Variants in LINGO2 observed in about 807,000 individuals in gnomAD.
LINGO2 encodes the protein leucine-rich repeat and immunoglobulin-like domain-containing nogo receptor-interacting protein 2.
A neutral mutation model predicts 30.6 loss-of-function variants in LINGO2; 14 were observed. The ratio of observed to expected loss-of-function variants is 0.46; its 90% CI spans 0.30 to 0.72. The LOEUF is 0.72. Ranked by LOEUF, LINGO2 falls within the 30% of genes least tolerant of loss-of-function variation. LINGO2 has a pLI of 0.07. For missense variants in LINGO2, 729 were observed against 751.7 expected (o/e 0.97, Z 0.35); for synonymous variants, 317 against 288.5 (o/e 1.10, Z -1.00).
intron 4 of LINGO2, among the ~76,000 whole-genome samples, chr9:28,053,997 T>C (rs985841260): frequency 6.6e-6 from 1 of 151,856 alleles, no homozygotes; most frequent in Non-Finnish European, 1.5e-5. Flanking sequence ...AGTTACCAGT[T>C]GTCGAGGGCC....
the LINGO2 span, among the ~76,000 whole-genome samples, chr9:28,849,235 A>T: frequency 7.3e-6 from 1 of 137,866 alleles, no homozygotes; most frequent in Admixed American, 7.7e-5. Flanking sequence ...TAAACTTTGC[A>T]TAGGAAGCTG....
intron 4 of LINGO2, among the ~76,000 whole-genome samples, chr9:28,029,700 T>A (rs1197927): frequency 0.99 from 150,536 of 152,340 alleles, 74,400 homozygotes; most frequent in East Asian, 1. Context: ...AAAACTAATA[T>A]GTGAAAATTG....
At chr9:28,767,112 G>C in the LINGO2 span, among the ~76,000 whole-genome samples, 1 of 151,114 alleles carries the variant, frequency 6.6e-6, no homozygotes, top group African/African-American at 2.5e-5. Context: ...GAGAGACGTA[G>C]GTCAAAGAGT....
chr9:28,371,468 G>C (rs1181584938), intron 3 of LINGO2, among the ~76,000 whole-genome samples: 3 of 152,158 alleles, frequency 2.0e-5, no homozygotes, highest in Admixed American at 6.5e-5. Context: ...AGAGGGGCAA[G>C]GTAACTCCCT....
At chr9:28,374,403 G>A (rs1043908247) in intron 2 of LINGO2, among the ~76,000 whole-genome samples, 1 of 151,772 alleles carries the variant, frequency 6.6e-6, no homozygotes, top group Non-Finnish European at 1.5e-5. Context: ...TTTTAAAAAT[G>A]TAACAACATA....
the LINGO2 span, among the ~76,000 whole-genome samples, chr9:28,759,348 G>A: frequency 6.6e-6 from 1 of 151,968 alleles, no homozygotes; most frequent in East Asian, 1.9e-4. Flanking sequence ...GGACAAAGAG[G>A]GTTTCTGGGT....
At chr9:28,714,082 C>T in the LINGO2 span, among the ~76,000 whole-genome samples, 1 of 151,064 alleles carries the variant, frequency 6.6e-6, no homozygotes, top group Non-Finnish European at 1.5e-5. Context: ...TCGCTTGAAC[C>T]TGGGAGGTGG....
At chr9:28,535,989 A>T (rs1280157820) in intron 1 of LINGO2, among the ~76,000 whole-genome samples, 1 of 152,182 alleles carries the variant, frequency 6.6e-6, no homozygotes, top group Non-Finnish European at 1.5e-5. Flanking sequence ...TCATCATTGG[A>T]TAGACACTTG....
At chr9:28,812,525 A>T in the LINGO2 span, among the ~76,000 whole-genome samples, 7 of 152,176 alleles carry the variant, frequency 4.6e-5, no homozygotes, top group Admixed American at 1.3e-4. Flanking sequence ...TTAATGGTCC[A>T]GTTGTATACC....
At chr9:28,537,370 G>A (rs956727293) in intron 1 of LINGO2, among the ~76,000 whole-genome samples, 8 of 151,946 alleles carry the variant, frequency 5.3e-5, no homozygotes, top group Admixed American at 2.6e-4. Flanking sequence ...TCATTAGCAC[G>A]GTTTCTCTAT....
chr9:28,713,571 G>T, the LINGO2 span, among the ~76,000 whole-genome samples: 1 of 152,054 alleles, frequency 6.6e-6, no homozygotes, highest in African/African-American at 2.4e-5. Context: ...CTATTTTCTA[G>T]CATTTCTAAC....
the LINGO2 span, among the ~76,000 whole-genome samples, chr9:28,892,904 A>T: frequency 6.6e-6 from 1 of 152,048 alleles, no homozygotes; most frequent in Non-Finnish European, 1.5e-5. Flanking sequence ...GTATTTAATA[A>T]AAATTCCACT....
intron 4 of LINGO2, among the ~76,000 whole-genome samples, chr9:28,227,632 T>TA (rs11312927): frequency 2.1e-4 from 31 of 150,090 alleles, no homozygotes; most frequent in East Asian, 1.6e-3. Context: ...ACTCAGCAAT[T>TA]AAAAAAAAAA....
chr9:28,838,997 G>A, the LINGO2 span, among the ~76,000 whole-genome samples: 4 of 152,196 alleles, frequency 2.6e-5, no homozygotes, highest in Admixed American at 2.0e-4. Flanking sequence ...CAGGCATATC[G>A]CAAGTGGCTT....
the LINGO2 span, among the ~76,000 whole-genome samples, chr9:28,803,030 A>G: frequency 6.6e-6 from 1 of 152,104 alleles, no homozygotes; most frequent in Non-Finnish European, 1.5e-5. Context: ...ACTCTGGGAA[A>G]GAGAAACCAG....
intron 4 of LINGO2, among the ~76,000 whole-genome samples, chr9:28,234,685 T>C (rs1409986758): frequency 6.7e-6 from 1 of 150,328 alleles, no homozygotes; most frequent in East Asian, 1.9e-4. Flanking sequence ...TTTGGAATCT[T>C]GGACTTACGC....
chr9:28,292,935 T>G (rs2134174765), intron 4 of LINGO2, among the ~76,000 whole-genome samples: 1 of 151,766 alleles, frequency 6.6e-6, no homozygotes. Context: ...CACGCTTGGA[T>G]AACTTTTTTT....
the LINGO2 span, among the ~76,000 whole-genome samples, chr9:28,750,175 T>C: frequency 1.3e-5 from 2 of 152,270 alleles, no homozygotes; most frequent in East Asian, 3.9e-4. Flanking sequence ...ATTGATTCCT[T>C]CGCACTAGAA....
the LINGO2 span, among the ~76,000 whole-genome samples, chr9:28,792,695 C>T: frequency 6.6e-6 from 1 of 152,070 alleles, no homozygotes; most frequent in African/African-American, 2.4e-5. Context: ...AACAACTCCA[C>T]CTATCCAAAA....
Sources: gnomAD v4.1 joint callset for allele counts (sites outside exome capture counted in the v4.1 genomes callset) on GRCh38, gnomAD v4.1.1 for gene constraint, MANE v1.5 for transcripts, NCBI Gene and HGNC (gene_info 2026-07-23, HGNC 2026-07-21) for gene names.